ISX: variants seen among roughly 807,000 people sequenced by gnomAD.
ISX encodes the protein intestine specific homeobox, also known as intestine-specific homeobox.
ISX carries 15 observed loss-of-function variants against 16.9 expected under a neutral mutation model. The ratio of observed to expected loss-of-function variants is 0.89; its 90% CI spans 0.59 to 1.36. The LOEUF is 1.36. Ranked by LOEUF, ISX falls within the 40% of genes most tolerant of loss-of-function variation. The probability of loss-of-function intolerance (pLI) is 0.00; values close to 1 mark genes in which losing one functional copy is unlikely to be tolerated. For missense variants in ISX, 316 were observed against 306.1 expected (o/e 1.03, Z -0.24); for synonymous variants, 125 against 119.7 (o/e 1.04, Z -0.29).
intron 2 of ISX, among the ~76,000 whole-genome samples, chr22:35,080,685 T>G (rs928694552): frequency 6.6e-6 from 1 of 152,080 alleles, no homozygotes; most frequent in East Asian, 1.9e-4. Flanking sequence ...TTCTCTTTCC[T>G]AGTTGTATAA....
At chr22:35,075,610 T>A (rs1928959806) in intron 2 of ISX, among the ~76,000 whole-genome samples, 1 of 152,148 alleles carries the variant, frequency 6.6e-6, no homozygotes, top group Non-Finnish European at 1.5e-5. Context: ...GAAACAAAAA[T>A]TTTTTTAAAT....
At chr22:35,068,277 C>G (rs1053671856) in intron 2 of ISX, among the ~76,000 whole-genome samples, 3 of 152,176 alleles carry the variant, frequency 2.0e-5, no homozygotes, top group Admixed American at 1.3e-4. Context: ...GGAAAGGAAG[C>G]TCAGGGAGCC....
chr22:35,075,920 A>G (rs1264188575), intron 2 of ISX, among the ~76,000 whole-genome samples: 2 of 152,204 alleles, frequency 1.3e-5, no homozygotes, highest in Non-Finnish European at 1.5e-5. Context: ...TGTATTACAG[A>G]AAAATAGAAA....
At chr22:35,079,672 T>C (rs1362791961) in intron 2 of ISX, among the ~76,000 whole-genome samples, 1 of 152,182 alleles carries the variant, frequency 6.6e-6, no homozygotes, top group Non-Finnish European at 1.5e-5. Context: ...AGAGCGGTTT[T>C]TCTTACAAGG....
In ISX at chr22:35,085,635, T is replaced by A; in HGVS notation, c.680T>A (p.Leu227Gln). Residue 227 changes from leucine to glutamine, a missense_variant, in exon 5 of 5, where the codon CTA (leucine) becomes CAA (glutamine). Coordinates refer to ENST00000404699, the MANE Select transcript of ISX (RefSeq NM_001303508.2). Reference sequence around the variant, plus strand: ...ATCCATCAAACTTGCATCCCTGTGCTATGCATCCTTCCACCTCCACACCCC... The same window carrying A: ...ATCCATCAAACTTGCATCCCTGTGCAATGCATCCTTCCACCTCCACACCCC... ...LPIHQTCIPV[L>Q]CILPPPHPKW... The A allele has an allele frequency of 6.2e-7, 1 of 1,614,178 alleles. No homozygotes were observed. The highest frequency in any genetic ancestry group is 8.5e-7 in the Non-Finnish European group (1 of 1,179,998).
At chr22:35,079,432 AAG>A (rs779127833) in intron 2 of ISX, among the ~76,000 whole-genome samples, 97 of 152,288 alleles carry the variant, frequency 6.4e-4, no homozygotes, top group Non-Finnish European at 1.1e-3. Flanking sequence ...TTATCCATTT[AAG>A]ACATATATTT....
intron 2 of ISX, among the ~76,000 whole-genome samples, chr22:35,069,383 G>A (rs764276041): frequency 6.6e-6 from 1 of 152,176 alleles, no homozygotes; most frequent in Non-Finnish European, 1.5e-5. Context: ...TCTAAGCCCA[G>A]ATCTGGCCCC....
Position 35,085,846 on chromosome 22 carries a change from C to A in ISX, c.*153C>A. On this transcript the variant is annotated 3_prime_UTR_variant, in exon 5 of 5. Coordinates refer to ENST00000404699, the MANE Select transcript of ISX (RefSeq NM_001303508.2). ...CCTGAACATGCCAGTTGGAAGGCTGCACCAGACTCAAAAGCAAACTAAACA... is the reference window on the plus strand; with the variant it reads ...CCTGAACATGCCAGTTGGAAGGCTGAACCAGACTCAAAAGCAAACTAAACA... 1.2e-6 allele frequency: 1 copy of A among 867,934 alleles called. No homozygotes were observed. The highest frequency in any genetic ancestry group is 1.8e-6 in the Non-Finnish European group (1 of 559,406). 53.8% of individuals were successfully genotyped at this position (867,934 alleles called of 1,614,324 possible).
At position 35,066,943 on chromosome 22, in the gene ISX, A is replaced by C. The variant is rs963410305; in HGVS notation, c.-145A>C. 6 of 621,870 alleles carry C rather than the reference A, an allele frequency of 9.6e-6. No individual in the cohort carries two copies. Among genetic ancestry groups the C allele is most frequent in the African/African-American group, 3.7e-5 (2 of 54,238 alleles). 38.5% of individuals were successfully genotyped at this position (621,870 alleles called of 1,614,324 possible). A position where few individuals can be genotyped will look rare whatever the true frequency, so the allele number is the denominator to read the frequency against. ...GCCCATGGAAGTCCCTGTGGACACG[A>C]AATCCTGTTTGGATCATCTAACTGG... On this transcript the variant is annotated 5_prime_UTR_variant, in exon 2 of 5. Coordinates refer to ENST00000404699, the MANE Select transcript of ISX (RefSeq NM_001303508.2).
At chr22:35,069,257 C>G (rs1476678953) in intron 2 of ISX, among the ~76,000 whole-genome samples, 2 of 152,158 alleles carry the variant, frequency 1.3e-5, no homozygotes, top group African/African-American at 4.8e-5. Context: ...ACAAATAATA[C>G]AGATGGGATA....
chr22:35,071,465 C>T (rs1373742946), intron 2 of ISX, among the ~76,000 whole-genome samples: 1 of 152,154 alleles, frequency 6.6e-6, no homozygotes, highest in Non-Finnish European at 1.5e-5. Context: ...TTCCAGCAAC[C>T]CTTATTCTTC....
Position 35,086,617 on chromosome 22 carries a change from T to C in ISX, c.*924T>C. On this transcript the variant is annotated 3_prime_UTR_variant, in exon 5 of 5. Coordinates refer to ENST00000404699, the MANE Select transcript of ISX (RefSeq NM_001303508.2). Reference sequence around the variant, plus strand: ...TTCTGTCTGAGCCTCAGTTTTCCTATCCATAAAATGAAGGTAGCCAGGCCT... The same window carrying C: ...TTCTGTCTGAGCCTCAGTTTTCCTACCCATAAAATGAAGGTAGCCAGGCCT... 1 of 152,154 alleles carries C rather than the reference T, an allele frequency of 6.6e-6. No individual in the cohort carries two copies. Among genetic ancestry groups the C allele is most frequent in the East Asian group, 1.9e-4 (1 of 5,192 alleles). The allele number at this position is 152,154 out of a possible 1,614,324, so 9.4% of individuals were successfully genotyped here.
At chr22:35,067,737 C>T (rs1266297611) in intron 2 of ISX, among the ~76,000 whole-genome samples, 4 of 152,088 alleles carry the variant, frequency 2.6e-5, no homozygotes, top group African/African-American at 9.7e-5. Flanking sequence ...AAACAGAAGC[C>T]CCGCTATCAG....
intron 2 of ISX, among the ~76,000 whole-genome samples, chr22:35,072,385 A>C (rs922238258): frequency 6.6e-6 from 1 of 152,240 alleles, no homozygotes; most frequent in African/African-American, 2.4e-5. Context: ...TAATACAAGG[A>C]AGGGGAGGCA....
In ISX at chr22:35,069,343, G is replaced by A. The variant is rs143314241; in HGVS notation, c.229+2027G>A. ...CTGGAGTCTCTGAAACACACTGGGT[G>A]AGAAGGGCAGGGTTTCAGGAAACCT... On this transcript the variant is annotated intron_variant, in intron 2 of 4. Transcript: ENST00000404699. Among the ~76,000 whole-genome samples, 662 of 152,328 alleles carry A rather than the reference G, an allele frequency of 4.3e-3. 1 individual carries two copies. Among genetic ancestry groups the A allele is most frequent in the Non-Finnish European group, 7.0e-3 (473 of 68,032 alleles).
intron 2 of ISX, among the ~76,000 whole-genome samples, chr22:35,071,662 T>C (rs1224943981): frequency 6.6e-6 from 1 of 152,154 alleles, no homozygotes; most frequent in East Asian, 1.9e-4. Context: ...GGAGCAAAAT[T>C]CCTGGCAAAG....
At position 35,082,512 on chromosome 22, in the gene ISX, A is replaced by G; in HGVS notation, c.230-6A>G. ...ACTGACACAACTTGGACCCTCTCCC[A>G]TGCAGAAGGAAGGAAGAGCAAGCGG... On this transcript the variant is annotated splice_region_variant and splice_polypyrimidine_tract_variant and intron_variant, in intron 2 of 4. Transcript: ENST00000404699. The G allele has an allele frequency of 6.2e-7, 1 of 1,613,928 alleles. No homozygotes were observed. The highest frequency in any genetic ancestry group is 8.5e-7 in the Non-Finnish European group (1 of 1,179,888).
intron 2 of ISX, among the ~76,000 whole-genome samples, chr22:35,081,518 T>C (rs1343355211): frequency 3.3e-5 from 5 of 152,226 alleles, no homozygotes; most frequent in Admixed American, 1.3e-4. Context: ...AGGCTATCAA[T>C]GCCTTCTCAT....
chr22:35,076,856 G>C (rs1928994876), intron 2 of ISX, among the ~76,000 whole-genome samples: 1 of 152,220 alleles, frequency 6.6e-6, no homozygotes, highest in Non-Finnish European at 1.5e-5. Context: ...TAAAGTGTGA[G>C]TCACAGCTTG....
Sources: allele counts gnomAD v4.1 joint callset (sites outside exome capture counted in the v4.1 genomes callset), GRCh38; gene constraint gnomAD v4.1.1; transcripts MANE v1.5; gene names NCBI Gene and HGNC (gene_info 2026-07-23, HGNC 2026-07-21).